Variants in MEI1 observed in about 807,000 individuals in gnomAD.
MEI1 encodes meiotic double-stranded break formation protein 1, also known as meiosis inhibitor protein 1.
Under a neutral mutation model 146.2 loss-of-function variants are expected in MEI1, and 103 were observed. The ratio of observed to expected loss-of-function variants is 0.70; its 90% CI spans 0.60 to 0.83. The LOEUF (loss-of-function observed/expected upper bound fraction) is 0.83, where lower values mean the gene tolerates loss of function less well. Ranked by LOEUF, MEI1 falls within the 40% of genes least tolerant of loss-of-function variation. The probability of loss-of-function intolerance (pLI) is 0.00; values close to 1 mark genes in which losing one functional copy is unlikely to be tolerated. For missense variants in MEI1, 1,529 were observed against 1,533.0 expected (o/e 1.00, Z 0.04); for synonymous variants, 652 against 628.2 (o/e 1.04, Z -0.57).
In MEI1 at chr22:41,743,096, A is replaced by G. The variant is rs771536174; in HGVS notation, c.1348A>G (p.Thr450Ala). 6.2e-7 allele frequency: 1 copy of G among 1,611,556 alleles called. No individual in the cohort carries two copies. The highest frequency in any genetic ancestry group is 8.5e-7 in the Non-Finnish European group (1 of 1,178,544). ...SAFLRKDHQSTPPVQYGELQA... is the reference protein window; with the variant it reads ...SAFLRKDHQSAPPVQYGELQA... ...TGGATGCAGGAAGGACCATCAGAGCACTCCACCTGTGCAGTATGGGGAACT... is the reference window on the plus strand; with the variant it reads ...TGGATGCAGGAAGGACCATCAGAGCGCTCCACCTGTGCAGTATGGGGAACT... Residue 450 changes from threonine (T) to alanine (A), a missense_variant, in exon 12 of 31, where the codon ACT becomes GCT. Transcript: ENST00000401548.
At chr22:41,742,209 A>T (rs1419910194) in intron 11 of MEI1, among the ~76,000 whole-genome samples, 6 of 152,084 alleles carry the variant, frequency 3.9e-5, no homozygotes, top group Admixed American at 1.3e-4. Flanking sequence ...GCAGGGAGCC[A>T]AGATCACACC....
At chr22:41,712,387 A>C in intron 3 of MEI1, among the ~76,000 whole-genome samples, 1 of 150,798 alleles carries the variant, frequency 6.6e-6, no homozygotes, top group Non-Finnish European at 1.5e-5. Flanking sequence ...GGCGCCCACC[A>C]CCACGCCCGG....
intron 17 of MEI1, among the ~76,000 whole-genome samples, chr22:41,754,522 C>G (rs1423448390): frequency 6.6e-6 from 1 of 152,168 alleles, no homozygotes; most frequent in African/African-American, 2.4e-5. Flanking sequence ...CAACCTCTGC[C>G]TTCCAGGTTC....
chr22:41,795,752 C>G lies in MEI1; in HGVS notation c.3684C>G (p.His1228Gln). The change falls in exon 30 of 31, where the codon CAC (histidine) becomes CAG (glutamine). Residue 1228 changes from histidine (H) to glutamine (Q), a missense_variant. Around this residue, in one of 3 missense-constraint regions of MEI1, gnomAD observed 313 missense variants for 337.3 expected, o/e 0.93. Coordinates refer to ENST00000401548, the MANE Select transcript of MEI1 (RefSeq NM_152513.4). The surrounding 1 kb of genome is among the most constrained non-coding windows in gnomAD (Gnocchi z 4.2). The stretch of plus-strand genomic sequence containing the variant: ...CCCTGCAGCTCCAGAGCATGGGACA[C>G]CTGGCTGACCACAGCATGGCCCAGA... The part of the protein sequence containing the change: ...GFFQQLQSMG[H>Q]LADHSMAQTL... 6.2e-7 allele frequency: 1 copy of G among 1,613,680 alleles called. No homozygotes were observed.
At chr22:41,771,020 G>T in intron 20 of MEI1, 59 bp downstream of exon 20, 2 of 1,571,720 alleles carry the variant, frequency 1.3e-6, no homozygotes, top group Non-Finnish European at 1.7e-6. Context: ...CTCTCTGAGA[G>T]CCGGTTTACT....
chr22:41,738,729 G>A (rs993768573), intron 11 of MEI1, among the ~76,000 whole-genome samples: 3 of 150,984 alleles, frequency 2.0e-5, no homozygotes, highest in African/African-American at 7.3e-5. Flanking sequence ...CCAAGATCAC[G>A]CCACTGCACT....
intron 6 of MEI1, among the ~76,000 whole-genome samples, chr22:41,719,006 A>G (rs2070480136): frequency 7.7e-6 from 1 of 129,646 alleles, no homozygotes; most frequent in African/African-American, 3.1e-5. Flanking sequence ...TTTTTGAGAC[A>G]GAGTCTCACA....
intron 14 of MEI1, 40 bp from the exon 15 acceptor site, chr22:41,748,067 A>T (rs1269956458): frequency 7.2e-7 from 1 of 1,392,980 alleles, no homozygotes; most frequent in South Asian, 1.2e-5. Flanking sequence ...TCAGAGGCTC[A>T]GTCCCCGTGG....
intron 13 of MEI1, 41 bp from the exon 14 acceptor site, chr22:41,745,844 G>A (rs2073242275): frequency 1.3e-6 from 2 of 1,552,192 alleles, no homozygotes; most frequent in Non-Finnish European, 1.8e-6. Flanking sequence ...CCTTTAGGTT[G>A]CATAGGTGGT....
intron 11 of MEI1, among the ~76,000 whole-genome samples, chr22:41,738,816 A>AAATAC (rs2072613717): frequency 6.6e-6 from 1 of 151,774 alleles, no homozygotes; most frequent in Admixed American, 6.6e-5. Context: ...TAAATAAATA[A>AAATAC]AATTAGCTGG....
rs958533659 is a variant in MEI1, at chr22:41,732,322, C to G, written c.1174C>G (p.Leu392Val). 1 of 1,612,660 alleles carries G rather than the reference C, an allele frequency of 6.2e-7. No homozygotes were observed. Among genetic ancestry groups the G allele is most frequent in the Non-Finnish European group, 8.5e-7 (1 of 1,179,440 alleles). ...NIELHKQGLL[L>V]FAEILTRQPE... Reference sequence around the variant, plus strand: ...AGAGCTGCACAAGCAGGGCCTGCTGCTTTTCGCTGAAATCCTGACCCGGTG... The same window carrying G: ...AGAGCTGCACAAGCAGGGCCTGCTGGTTTTCGCTGAAATCCTGACCCGGTG... Residue 392 changes from leucine (L) to valine (V), a missense_variant, in exon 10 of 31, where the codon CTT (leucine) becomes GTT (valine). Coordinates refer to ENST00000401548, the MANE Select transcript of MEI1 (RefSeq NM_152513.4).
chr22:41,725,717 A>C (rs73161371), intron 7 of MEI1, among the ~76,000 whole-genome samples: 2,693 of 152,258 alleles, frequency 0.018, 52 homozygotes, highest in Admixed American at 0.059. Context: ...ATCTGCTGAT[A>C]TGAGTCAGCC....
In MEI1 at chr22:41,764,378, C is replaced by T. The variant is rs1220273909; in HGVS notation, c.2268+1057C>T. Among the ~76,000 whole-genome samples the T allele has an allele frequency of 3.9e-5, 6 of 152,268 alleles. No individual in the cohort carries two copies. The East Asian group carries it at 1.2e-3, about 29-fold the overall frequency. On this transcript the variant is annotated intron_variant, in intron 19 of 30. Coordinates refer to ENST00000401548, the MANE Select transcript of MEI1 (RefSeq NM_152513.4). ...TCTAGGCAATGATCACCAGTGGCTGCTACTAGCACAAAGAGAGAGACAACA... is the reference window on the plus strand; with the variant it reads ...TCTAGGCAATGATCACCAGTGGCTGTTACTAGCACAAAGAGAGAGACAACA...
intron 26 of MEI1, 94 bp from the exon 27 acceptor site, chr22:41,793,735 C>G: frequency 1.8e-6 from 2 of 1,103,010 alleles, no homozygotes; most frequent in Non-Finnish European, 2.5e-6. Flanking sequence ...TTCTGAAATC[C>G]AAGTAACTCT....
chr22:41,712,006 A>G (rs1391451716), intron 3 of MEI1, among the ~76,000 whole-genome samples: 1 of 151,558 alleles, frequency 6.6e-6, no homozygotes, highest in African/African-American at 2.4e-5. Context: ...GTTCGAGACC[A>G]GCCTGGCCAA....
At chr22:41,765,124 C>T (rs2074758403) in intron 19 of MEI1, among the ~76,000 whole-genome samples, 1 of 152,206 alleles carries the variant, frequency 6.6e-6, no homozygotes, top group South Asian at 2.1e-4. Context: ...CCTGCCTCAG[C>T]CTCCCGAGTA....
At chr22:41,784,529 T>C (rs2075881263) in intron 25 of MEI1, 79 bp from the exon 26 acceptor site, 4 of 1,591,018 alleles carry the variant, frequency 2.5e-6, no homozygotes, top group Non-Finnish European at 2.6e-6. Context: ...TCATCTTCAT[T>C]GTCTCCCATC....
At chr22:41,760,443 A>T (rs2074408989) in intron 18 of MEI1, among the ~76,000 whole-genome samples, 1 of 152,162 alleles carries the variant, frequency 6.6e-6, no homozygotes, top group South Asian at 2.1e-4. Flanking sequence ...CGGGAGGCGG[A>T]GGTTGCAGTG....
intron 1 of MEI1, among the ~76,000 whole-genome samples, chr22:41,700,695 A>G (rs551190615): frequency 4.1e-4 from 61 of 150,432 alleles, no homozygotes; most frequent in African/African-American, 1.5e-3. Flanking sequence ...TTTCTCTCCA[A>G]TTCATGGGAG....
Sources: allele counts gnomAD v4.1 joint callset (sites outside exome capture counted in the v4.1 genomes callset), GRCh38; gene constraint gnomAD v4.1.1; regional missense constraint gnomAD v4.1.1; non-coding constraint Gnocchi (gnomAD v3.1); transcripts MANE v1.5; gene names NCBI Gene and HGNC (gene_info 2026-07-23, HGNC 2026-07-21).